CFAP47: variants seen among roughly 807,000 people sequenced by gnomAD.
The protein encoded by CFAP47 is cilia- and flagella-associated protein 47.
Under a neutral mutation model 148.1 loss-of-function variants are expected in CFAP47, and 29 were observed. That is an observed-to-expected ratio of 0.20 (90% CI 0.15 to 0.27). CFAP47 has a LOEUF of 0.27. Ranked by LOEUF, CFAP47 falls within the 10% of genes least tolerant of loss-of-function variation. The probability of loss-of-function intolerance (pLI) is 1.00; values close to 1 mark genes in which losing one functional copy is unlikely to be tolerated. For missense variants in CFAP47, 1,872 were observed against 1,697.5 expected, an observed-to-expected ratio of 1.10 and a Z score of -1.81; for synonymous variants, 664 against 577.3, an observed-to-expected ratio of 1.15 and a Z score of -2.15.
intron 9 of CFAP47, 87 bp downstream of exon 9, chrX:35,966,841 A>G (rs10482240): frequency 1.5e-6 from 1 of 657,453 alleles, no homozygotes. Context: ...TTAATTACAC[A>G]CGCACATATA....
Position 36,085,541 on chromosome X carries a change from A to G in CFAP47, c.4916+3A>G, listed in dbSNP as rs373036287. ...TCCTCACTTCTGGACTTTCTCAAGTAAGTGCCTGGATGTGCTCATATAAGC... is the reference window on the plus strand; with the variant it reads ...TCCTCACTTCTGGACTTTCTCAAGTGAGTGCCTGGATGTGCTCATATAAGC... On this transcript the variant is annotated splice_donor_region_variant and intron_variant, in intron 30 of 63. Transcript: ENST00000378653. The G allele has an allele frequency of 2.7e-5, 30 of 1,122,034 alleles. No homozygotes were observed. Among genetic ancestry groups the G allele is most frequent in the Middle Eastern group, 2.4e-4 (1 of 4,109 alleles). The allele number at this position is 1,122,034 out of a possible 1,213,427, so 92.5% of individuals were successfully genotyped here.
At chrX:36,168,096 T>C (rs1939515325) in intron 39 of CFAP47, among the ~76,000 whole-genome samples, 1 of 111,664 alleles carries the variant, frequency 9.0e-6, no homozygotes, top group African/African-American at 3.3e-5. Context: ...GTTTGTGTTT[T>C]TGAACCCAAA....
chrX:36,072,364 A>G (rs1195758528), intron 28 of CFAP47, among the ~76,000 whole-genome samples: 1 of 112,168 alleles, frequency 8.9e-6, no homozygotes, highest in Admixed American at 9.5e-5. Context: ...TGACATCCCA[A>G]GCACTCTCTG....
At chrX:35,936,232 G>A (rs1306551014) in intron 2 of CFAP47, among the ~76,000 whole-genome samples, 3 of 111,278 alleles carry the variant, frequency 2.7e-5, no homozygotes, top group African/African-American at 9.8e-5. Context: ...TCAAGTCTGG[G>A]TGAATTCTAT....
rs192768233 is a variant in CFAP47, at chrX:36,328,793, G to T, written c.8443+9486G>T. On this transcript the variant is annotated intron_variant, in intron 57 of 63. Coordinates refer to ENST00000378653, the MANE Select transcript of CFAP47 (RefSeq NM_001304548.2). ...CCACTGCAGTCCGCAGTCCGGCCTG[G>T]GTGACAGAGCGAGACTCTGTCTCAA... is the stretch of plus-strand genomic sequence containing the variant. Among the ~76,000 whole-genome samples the T allele has an allele frequency of 4.2e-3, 416 of 98,297 alleles. 4 individuals are homozygous for T. Among genetic ancestry groups the T allele is most frequent in the African/African-American group, 0.014 (379 of 26,670 alleles). 85.4% of individuals were successfully genotyped at this position (98,297 alleles called of 115,157 possible).
intron 62 of CFAP47, among the ~76,000 whole-genome samples, chrX:36,374,053 GTA>G (rs1209390851): frequency 3.6e-5 from 4 of 110,544 alleles, no homozygotes; most frequent in Non-Finnish European, 7.6e-5. Context: ...TATGGCTTTG[GTA>G]TCAGGGTGAT....
intron 62 of CFAP47, among the ~76,000 whole-genome samples, chrX:36,370,042 G>C (rs914164368): frequency 3.6e-5 from 4 of 111,857 alleles, no homozygotes; most frequent in African/African-American, 1.3e-4. Flanking sequence ...ATCAGATCAT[G>C]ATGGGTAACA....
chrX:36,220,797 A>G (rs1232141156), intron 45 of CFAP47, among the ~76,000 whole-genome samples: 1 of 111,711 alleles, frequency 9.0e-6, no homozygotes, highest in Non-Finnish European at 1.9e-5. Context: ...AAACCATAGA[A>G]TGGCAAAGAT....
chrX:35,925,218 C>CA (rs776254800), intron 1 of CFAP47, among the ~76,000 whole-genome samples: 2 of 110,176 alleles, frequency 1.8e-5, no homozygotes, highest in African/African-American at 3.3e-5. Flanking sequence ...TAAAAAATTA[C>CA]AAAAAATTAG....
intron 39 of CFAP47, among the ~76,000 whole-genome samples, chrX:36,176,425 G>C (rs753161274): frequency 8.9e-6 from 1 of 112,335 alleles, no homozygotes; most frequent in Admixed American, 9.4e-5. Context: ...TTAGGCTCTT[G>C]CTTCTCAAAG....
chrX:36,083,767 T>G (rs1052386135), intron 29 of CFAP47, among the ~76,000 whole-genome samples: 2 of 111,412 alleles, frequency 1.8e-5, no homozygotes, highest in African/African-American at 6.5e-5. Flanking sequence ...ACAAAATCCT[T>G]TAACATATTA....
At chrX:36,017,734 T>TCACA (rs1937112576) in intron 22 of CFAP47, among the ~76,000 whole-genome samples, 1 of 111,263 alleles carries the variant, frequency 9.0e-6, no homozygotes, top group Non-Finnish European at 1.9e-5. Context: ...TTTCATTGCG[T>TCACA]TTGTCTATGT....
Position 35,924,227 on chromosome X carries a change from A to G in CFAP47, c.250-1790A>G, listed in dbSNP as rs566217366. Among the ~76,000 whole-genome samples, 9 of 98,724 alleles carry G rather than the reference A, an allele frequency of 9.1e-5. No homozygotes were observed. The South Asian group carries it at 4.0e-3, about 43-fold the overall frequency. 85.7% of individuals were successfully genotyped at this position (98,724 alleles called of 115,157 possible). Reference sequence around the variant, plus strand: ...GACATGTATGTGTGCATGTATGTGTATATATGGACATGTATGTGTGCATAT... The same window carrying G: ...GACATGTATGTGTGCATGTATGTGTGTATATGGACATGTATGTGTGCATAT... On this transcript the variant is annotated intron_variant, in intron 1 of 63. Coordinates refer to ENST00000378653, the MANE Select transcript of CFAP47 (RefSeq NM_001304548.2).
chrX:36,240,757 C>T (rs1174612718), intron 48 of CFAP47, among the ~76,000 whole-genome samples: 1 of 111,288 alleles, frequency 9.0e-6, no homozygotes, highest in Admixed American at 9.6e-5. Flanking sequence ...AACTTTAAAC[C>T]ACATATCCAA....
chrX:36,228,249 A>G (rs782226457), intron 45 of CFAP47, among the ~76,000 whole-genome samples: 7 of 111,011 alleles, frequency 6.3e-5, no homozygotes, highest in Admixed American at 9.6e-5. Context: ...GTTAAATGTA[A>G]TGTTTATATT....
rs782070054 is a variant in CFAP47, at chrX:36,317,193, T to A, written c.8345-2016T>A. 2.7e-5 allele frequency among the ~76,000 whole-genome samples: 3 copies of A among 111,573 alleles called. No homozygotes were observed. The East Asian group carries it at 8.5e-4, about 31-fold the overall frequency. On this transcript the variant is annotated intron_variant, in intron 56 of 63. Transcript: ENST00000378653. ...GTTGAACAAATATTTATGTAATATA[T>A]GTAGTAATCATTGCAAATAGCCAAT...
intron 42 of CFAP47, among the ~76,000 whole-genome samples, chrX:36,191,984 AAAC>A (rs1294927008): frequency 3.6e-5 from 4 of 110,639 alleles, no homozygotes; most frequent in African/African-American, 6.6e-5. Flanking sequence ...ACACTGTCTC[AAAC>A]AACAACAACA....
intron 30 of CFAP47, among the ~76,000 whole-genome samples, chrX:36,094,268 A>T (rs1023727617): frequency 1.8e-5 from 2 of 111,186 alleles, no homozygotes; most frequent in Admixed American, 9.6e-5. Context: ...TGTTTTGGTT[A>T]CTATGGCTCT....
Position 36,285,908 on chromosome X carries a change from A to G in CFAP47, c.7686+182A>G, listed in dbSNP as rs1287688714. ...TACTACGGACTTTAAATGCTTTTGG[A>G]AAACATCTTTTAGTTATATGTTATC... On this transcript the variant is annotated intron_variant, in intron 51 of 63. Coordinates refer to ENST00000378653, the MANE Select transcript of CFAP47 (RefSeq NM_001304548.2). Among the ~76,000 whole-genome samples, 5 of 112,003 alleles carry G rather than the reference A, an allele frequency of 4.5e-5. No homozygotes were observed. The Admixed American group carries it at 4.7e-4, about 11-fold the overall frequency.
Sources: allele counts gnomAD v4.1 joint callset (sites outside exome capture counted in the v4.1 genomes callset), GRCh38; gene constraint gnomAD v4.1.1; transcripts MANE v1.5; gene names NCBI Gene and HGNC (gene_info 2026-07-23, HGNC 2026-07-21).